Variants in JAKMIP3 observed in about 807,000 individuals in gnomAD.
JAKMIP3 encodes the protein janus kinase and microtubule-interacting protein 3.
In JAKMIP3, 58 loss-of-function variants were observed where a neutral mutation model predicts 118.5. The ratio of observed to expected loss-of-function variants is 0.49; its 90% confidence interval spans 0.40 to 0.61. JAKMIP3 has a LOEUF of 0.61. Ranked by LOEUF, JAKMIP3 falls within the 20% of genes least tolerant of loss-of-function variation. The pLI is 0.00. For missense variants in JAKMIP3, 950 were observed against 1,109.0 expected (o/e 0.86, Z 2.04); for synonymous variants, 486 against 451.2 (o/e 1.08, Z -0.98).
chr10:132,069,013 C>T (rs967514093), intron 1 of JAKMIP3, among the ~76,000 whole-genome samples: 2 of 152,288 alleles, frequency 1.3e-5, no homozygotes, highest in African/African-American at 2.4e-5. Context: ...CCTTAGTGCT[C>T]GGCCTGCGGC....
intron 1 of JAKMIP3, among the ~76,000 whole-genome samples, chr10:132,058,212 G>A (rs1417936131): frequency 2.0e-5 from 3 of 152,210 alleles, no homozygotes; most frequent in Admixed American, 6.5e-5. Context: ...ACTTTGGAAC[G>A]AGGCTGCTTT....
At chr10:132,116,368 G>GGT (rs2047653987) in intron 2 of JAKMIP3, among the ~76,000 whole-genome samples, 3 of 129,362 alleles carry the variant, frequency 2.3e-5, no homozygotes, top group Middle Eastern at 4.3e-3. Flanking sequence ...TACACATTCA[G>GGT]GTGTGAGTGT....
chr10:132,089,986 G>T (rs1050523213), intron 1 of JAKMIP3, among the ~76,000 whole-genome samples: 2 of 152,132 alleles, frequency 1.3e-5, no homozygotes, highest in African/African-American at 4.8e-5. Flanking sequence ...TTTGTCTTTG[G>T]TTCTGTTTAT....
chr10:132,179,000 G>T (rs572166156), intron 23 of JAKMIP3, among the ~76,000 whole-genome samples: 3 of 152,344 alleles, frequency 2.0e-5, no homozygotes, highest in Middle Eastern at 3.4e-3. Flanking sequence ...CTTTTAGCGA[G>T]GTTCTGGTGC....
At chr10:132,169,381 G>A (rs1190847208) in intron 23 of JAKMIP3, among the ~76,000 whole-genome samples, 2 of 152,196 alleles carry the variant, frequency 1.3e-5, no homozygotes, top group African/African-American at 2.4e-5. Flanking sequence ...GCCTCCCTCC[G>A]CTGCTCCCGT....
chr10:132,148,132 C>A (rs867202303), intron 14 of JAKMIP3, 82 bp downstream of exon 14: 1 of 598,708 alleles, frequency 1.7e-6, no homozygotes, highest in Non-Finnish European at 2.9e-6. Flanking sequence ...ACACAAAGCC[C>A]TGAACATGAA....
intron 1 of JAKMIP3, among the ~76,000 whole-genome samples, chr10:132,055,428 G>A (rs1240010392): frequency 1.3e-5 from 2 of 152,178 alleles, no homozygotes; most frequent in African/African-American, 2.4e-5. Flanking sequence ...CACATGATTT[G>A]CGAATGGCAT....
At chr10:132,077,760 C>T (rs1267327056) in intron 1 of JAKMIP3, among the ~76,000 whole-genome samples, 3 of 152,226 alleles carry the variant, frequency 2.0e-5, no homozygotes, top group Admixed American at 2.0e-4. Flanking sequence ...AAGTGATTCT[C>T]CTGCCTCAGC....
chr10:132,180,548 TGCGTGCATGCGTGTGTGTGC>T (rs1565018162), intron 23 of JAKMIP3, among the ~76,000 whole-genome samples: 11 of 30,812 alleles, frequency 3.6e-4, no homozygotes, highest in South Asian at 2.3e-3. Context: ...TGTGTGTGCG[TGCGTGCATGCGTGTGTGTGC>T]GTGTGTGTGT....
intron 19 of JAKMIP3, among the ~76,000 whole-genome samples, chr10:132,156,473 C>G (rs1397716948): frequency 6.6e-6 from 1 of 152,206 alleles, no homozygotes; most frequent in Non-Finnish European, 1.5e-5. Context: ...ACCACCACAG[C>G]AGGCCGGGAG....
chr10:132,117,274 C>T lies in JAKMIP3; in HGVS notation c.333C>T (p.Asn111=), dbSNP rs371369909. The change falls in exon 3 of 24, where the codon AAC becomes AAT. Residue 111 remains asparagine, a synonymous_variant. Coordinates refer to ENST00000684848, the MANE Select transcript of JAKMIP3 (RefSeq NM_001323087.2). The surrounding 1 kb of genome is among the most constrained non-coding windows in gnomAD (Gnocchi z 8.6). ...TCAGGGTCATCAAGATCAAGGACAA[C>T]GAGAACCAGCGGCTGCAGGCACTGC... ...ELLRVIKIKD[N]ENQRLQALLS... The T allele has an allele frequency of 2.0e-5, 32 of 1,613,938 alleles. No individual in the cohort carries two copies. The highest frequency in any genetic ancestry group is 1.5e-4 in the African/African-American group (11 of 75,032).
At chr10:132,103,222 A>T (rs1415050740) in intron 1 of JAKMIP3, among the ~76,000 whole-genome samples, 1 of 151,710 alleles carries the variant, frequency 6.6e-6, no homozygotes, top group African/African-American at 2.4e-5. Flanking sequence ...GTGGGGATGG[A>T]AGGAGGCCCC....
At chr10:132,055,002 C>A (rs550730352) in intron 1 of JAKMIP3, among the ~76,000 whole-genome samples, 2 of 151,942 alleles carry the variant, frequency 1.3e-5, no homozygotes, top group African/African-American at 4.8e-5. Flanking sequence ...TAGTGAGAGT[C>A]CTGCCCTCCT....
At chr10:132,139,043 A>AT (rs2052514040) in intron 9 of JAKMIP3, among the ~76,000 whole-genome samples, 1 of 120,278 alleles carries the variant, frequency 8.3e-6, no homozygotes, top group African/African-American at 3.2e-5. Context: ...CTCCTGCTTT[A>AT]TGTTGAGTGT....
intron 10 of JAKMIP3, among the ~76,000 whole-genome samples, chr10:132,141,216 A>G (rs559028057): frequency 2.6e-4 from 39 of 152,314 alleles, no homozygotes; most frequent in African/African-American, 6.3e-4. Flanking sequence ...GGGTGGCCCA[A>G]TGGCCATAGA....
chr10:132,037,943 G>C (rs2037568627), intron 1 of JAKMIP3, among the ~76,000 whole-genome samples: 1 of 152,262 alleles, frequency 6.6e-6, no homozygotes, highest in Non-Finnish European at 1.5e-5. Context: ...CACAAATCTG[G>C]AAGAAGCCGG....
intron 19 of JAKMIP3, among the ~76,000 whole-genome samples, chr10:132,159,382 TCTATTCCTGTGTCTTACTGAGGGGGC>T (rs1218882718): frequency 2.6e-5 from 2 of 75,762 alleles, no homozygotes; most frequent in Non-Finnish European, 5.0e-5. Flanking sequence ...TTGGGGGGGG[TCTATTCCTGTGTCTTACTGAGGGGGC>T]CTATTCCTGT....
In JAKMIP3 at chr10:132,137,348, G is replaced by A. The variant is rs148255853; in HGVS notation, c.1284+59G>A. ...CCGCTCCCCACGCAGTTGCCCGTGG[G>A]ACCCATTCTGTGCCCAGGGCTCCTC... is the stretch of plus-strand genomic sequence containing the variant. On this transcript the variant is annotated intron_variant, in intron 8 of 23. Coordinates refer to ENST00000684848, the MANE Select transcript of JAKMIP3 (RefSeq NM_001323087.2). 1.7e-3 allele frequency: 2,679 copies of A among 1,601,270 alleles called. 23 individuals carry two copies. In the Middle Eastern group the frequency reaches 0.029, roughly 17 times the overall value.
At chr10:132,045,662 C>T (rs1014778954) in intron 1 of JAKMIP3, among the ~76,000 whole-genome samples, 5 of 152,184 alleles carry the variant, frequency 3.3e-5, no homozygotes, top group African/African-American at 7.2e-5. Flanking sequence ...GACACAGTGG[C>T]TCATGCCTAT....
Sources: gnomAD v4.1 joint callset for allele counts (sites outside exome capture counted in the v4.1 genomes callset) on GRCh38, gnomAD v4.1.1 for gene constraint, Gnocchi (gnomAD v3.1) non-coding constraint, MANE v1.5 for transcripts, NCBI Gene and HGNC (gene_info 2026-07-23, HGNC 2026-07-21) for gene names.